AGPS: variants seen among roughly 807,000 people sequenced by gnomAD.
AGPS encodes the protein alkylglycerone phosphate synthase.
A neutral mutation model predicts 90.7 loss-of-function variants in AGPS; 26 were observed. The observed-to-expected ratio is 0.29, with a 90% CI of 0.21 to 0.40. The LOEUF is 0.40. AGPS is among the 10% of genes least tolerant of loss of function. AGPS has a pLI of 1.00. For missense variants in AGPS, 540 were observed against 816.1 expected (o/e 0.66, Z 4.12); for synonymous variants, 294 against 285.3 (o/e 1.03, Z -0.31).
intron 1 of AGPS, among the ~76,000 whole-genome samples, chr2:177,413,037 T>G (rs138008869): frequency 8.7e-4 from 132 of 152,152 alleles, no homozygotes; most frequent in African/African-American, 3.1e-3. Flanking sequence ...CAGTGGTGGA[T>G]GGCAAGTGAA....
chr2:177,404,472 C>A (rs965057529), intron 1 of AGPS, among the ~76,000 whole-genome samples: 1 of 152,076 alleles, frequency 6.6e-6, no homozygotes, highest in African/African-American at 2.4e-5. Context: ...CTGCCGCCCC[C>A]CACCCCAACA....
At chr2:177,402,747 A>G (rs182098151) in intron 1 of AGPS, among the ~76,000 whole-genome samples, 1 of 152,186 alleles carries the variant, frequency 6.6e-6, no homozygotes, top group East Asian at 1.9e-4. Flanking sequence ...CTCTTCAGCC[A>G]CCTCACCCAT....
chr2:177,496,660 C>T (rs978055368), intron 12 of AGPS, among the ~76,000 whole-genome samples: 1 of 152,048 alleles, frequency 6.6e-6, no homozygotes, highest in Non-Finnish European at 1.5e-5. Flanking sequence ...ACTTCTATTA[C>T]TTGGTCTTTT....
chr2:177,508,909 G>A (rs1355873167), intron 16 of AGPS, among the ~76,000 whole-genome samples: 1 of 152,062 alleles, frequency 6.6e-6, no homozygotes, highest in Non-Finnish European at 1.5e-5. Context: ...AGATTTGGGG[G>A]CATTTCACAT....
chr2:177,454,639 A>G (rs756931579), intron 8 of AGPS, among the ~76,000 whole-genome samples: 5 of 150,910 alleles, frequency 3.3e-5, no homozygotes, highest in African/African-American at 4.9e-5. Flanking sequence ...TTGAATGGTA[A>G]TTTTTGATTA....
At chr2:177,533,687 T>C (rs1265286628) in intron 19 of AGPS, among the ~76,000 whole-genome samples, 1 of 152,244 alleles carries the variant, frequency 6.6e-6, no homozygotes, top group East Asian at 1.9e-4. Flanking sequence ...GTTAGTTTCA[T>C]GTGATTAGCA....
At position 177,482,178 on chromosome 2, in the gene AGPS, G is replaced by T. The variant is rs938658201; in HGVS notation, c.1225G>T (p.Ala409Ser). 1.9e-6 allele frequency: 3 copies of T among 1,576,896 alleles called. No homozygotes were observed. Among genetic ancestry groups the T allele is most frequent in the East Asian group, 2.3e-5 (1 of 43,304 alleles). Residue 409 changes from alanine to serine, a missense_variant, in exon 11 of 20, where the codon GCA becomes TCA. Physicochemically the swap from Ala to Ser is moderately conservative, Grantham distance 99 (BLOSUM62 1). This residue lies in a region of AGPS where 405 missense variants were observed against 692.1 expected (regional missense o/e 0.59). Coordinates refer to ENST00000264167, the MANE Select transcript of AGPS (RefSeq NM_003659.4). ...EQGVACLREI[A>S]KQRCAPASIR... ...AGGAGTAGCCTGTTTAAGAGAAATT[G>T]CAAAACAGGTAAAAGAAAAAATATA...
At chr2:177,421,534 G>A (rs548104502) in intron 2 of AGPS, among the ~76,000 whole-genome samples, 3 of 152,006 alleles carry the variant, frequency 2.0e-5, no homozygotes, top group Admixed American at 6.5e-5. Flanking sequence ...TTCTGAAGAT[G>A]TACATTTGAC....
At chr2:177,405,156 T>C (rs1390199997) in intron 1 of AGPS, among the ~76,000 whole-genome samples, 1 of 152,220 alleles carries the variant, frequency 6.6e-6, no homozygotes, top group Non-Finnish European at 1.5e-5. Flanking sequence ...CTTTTTCTGC[T>C]CTTCTGTCCA....
At chr2:177,467,807 T>G (rs1687499542) in intron 9 of AGPS, among the ~76,000 whole-genome samples, 2 of 152,148 alleles carry the variant, frequency 1.3e-5, no homozygotes, top group South Asian at 4.1e-4. Context: ...TCAGGAACTA[T>G]TTTTAGAGTG....
In AGPS at chr2:177,400,547, CT is replaced by C. The variant is rs1339848261; in HGVS notation, c.260+7502del. ...GCTACTATTCCAGTAACTGCAGTTA[CT>C]TTTGATGAGAGAGTTTTGCCTCCTG... On this transcript the variant is annotated intron_variant, in intron 1 of 19. Transcript: ENST00000264167. 3.9e-5 allele frequency among the ~76,000 whole-genome samples: 6 copies of C among 152,276 alleles called. No individual in the cohort carries two copies. In the East Asian group the frequency reaches 1.2e-3, roughly 29 times the overall value.
chr2:177,530,847 T>C (rs2079131249), intron 19 of AGPS, among the ~76,000 whole-genome samples: 1 of 152,212 alleles, frequency 6.6e-6, no homozygotes, highest in Non-Finnish European at 1.5e-5. Flanking sequence ...TTTTTGTAAC[T>C]GATGAGCTGG....
chr2:177,524,722 G>A (rs1160472798), intron 19 of AGPS, among the ~76,000 whole-genome samples: 3 of 151,866 alleles, frequency 2.0e-5, no homozygotes, highest in South Asian at 2.1e-4. Flanking sequence ...TCTTCCTACT[G>A]CAAAGTGAGA....
intron 1 of AGPS, among the ~76,000 whole-genome samples, chr2:177,401,228 TTC>T (rs1685321833): frequency 6.6e-6 from 1 of 152,258 alleles, no homozygotes; most frequent in Non-Finnish European, 1.5e-5. Flanking sequence ...TTCTTTCTCA[TTC>T]TCTAGAACTT....
intron 5 of AGPS, among the ~76,000 whole-genome samples, chr2:177,439,077 G>A (rs535175628): frequency 6.6e-6 from 1 of 152,198 alleles, no homozygotes; most frequent in South Asian, 2.1e-4. Flanking sequence ...TGCTTAATAG[G>A]ATGCTTAGGG....
intron 13 of AGPS, 42 bp downstream of exon 13, chr2:177,497,807 A>T (rs1334794092): frequency 8.9e-7 from 1 of 1,127,150 alleles, no homozygotes; most frequent in Non-Finnish European, 1.3e-6. Flanking sequence ...AATGCTTAAG[A>T]TATCTGTTTT....
chr2:177,531,495 A>C (rs1016211377), intron 19 of AGPS, among the ~76,000 whole-genome samples: 1 of 152,178 alleles, frequency 6.6e-6, no homozygotes, highest in Non-Finnish European at 1.5e-5. Flanking sequence ...AAATCAAAAA[A>C]GACCTAAATA....
At chr2:177,523,190 A>C (rs1423843418) in intron 18 of AGPS, among the ~76,000 whole-genome samples, 3 of 152,222 alleles carry the variant, frequency 2.0e-5, no homozygotes, top group East Asian at 1.9e-4. Context: ...GGTTTAATAA[A>C]GACTCTAATA....
chr2:177,481,274 G>C (rs374713157), intron 10 of AGPS, among the ~76,000 whole-genome samples: 1 of 151,828 alleles, frequency 6.6e-6, no homozygotes, highest in Non-Finnish European at 1.5e-5. Flanking sequence ...CATTTGAAAA[G>C]CTTGGCTTTG....
Sources: allele counts gnomAD v4.1 joint callset (sites outside exome capture counted in the v4.1 genomes callset), GRCh38; gene constraint gnomAD v4.1.1; regional missense constraint gnomAD v4.1.1; transcripts MANE v1.5; gene names NCBI Gene and HGNC (gene_info 2026-07-23, HGNC 2026-07-21).